CEP89: variants seen among roughly 807,000 people sequenced by gnomAD.
The protein encoded by CEP89 is centrosomal protein 89, also known as centrosomal protein of 89 kDa.
A neutral mutation model predicts 97.6 loss-of-function variants in CEP89; 95 were observed. The ratio of observed to expected loss-of-function variants is 0.97; its 90% CI spans 0.82 to 1.15. The LOEUF (loss-of-function observed/expected upper bound fraction) is 1.15. CEP89 is among the 50% of genes most tolerant of loss of function. The pLI is 0.00. For synonymous variants in CEP89, 354 were observed against 349.1 expected (o/e 1.01, Z -0.16); for missense variants, 869 against 947.7 (o/e 0.92, Z 1.09).
rs191126009 is a variant in CEP89 at position 32,967,847 on chromosome 19, G to A, written c.40-1381C>T. 1.6e-3 allele frequency among the ~76,000 whole-genome samples: 249 copies of A among 152,330 alleles called. 1 individual carries two copies. Among genetic ancestry groups the A allele is most frequent in the African/African-American group, 5.6e-3 (233 of 41,580 alleles). ...GTTTTGCTAGACTAGAGGCATCTTCGAGGGTGGGGCTTGGGGGCATGGTGG... is the reference window on the plus strand; with the variant it reads ...GTTTTGCTAGACTAGAGGCATCTTCAAGGGTGGGGCTTGGGGGCATGGTGG... On this transcript the variant is annotated intron_variant, in intron 1 of 18. Transcript: ENST00000305768.
chr19:32,966,937 C>T (rs1221455778), intron 1 of CEP89, among the ~76,000 whole-genome samples: 1 of 152,104 alleles, frequency 6.6e-6, no homozygotes, highest in Non-Finnish European at 1.5e-5. Flanking sequence ...CTCAAACTCC[C>T]GCTTCAGCCA....
chr19:32,908,815 T>G (rs1208339453), intron 14 of CEP89, among the ~76,000 whole-genome samples: 3 of 152,126 alleles, frequency 2.0e-5, no homozygotes, highest in African/African-American at 7.2e-5. Flanking sequence ...GGGAGGAGTT[T>G]GGGAAAGGGT....
At chr19:32,930,893 T>TC (rs1970459014) in intron 9 of CEP89, among the ~76,000 whole-genome samples, 2 of 152,106 alleles carry the variant, frequency 1.3e-5, no homozygotes, top group South Asian at 4.2e-4. Context: ...GTTATTTTTT[T>TC]TTTAATTTTT....
intron 15 of CEP89, among the ~76,000 whole-genome samples, chr19:32,900,888 CTTTT>C (rs34188586): frequency 2.2e-5 from 3 of 138,150 alleles, no homozygotes; most frequent in Admixed American, 7.4e-5. Context: ...CTTCATTTGT[CTTTT>C]TTTTTTTTTT....
chr19:32,891,360 C>T lies in CEP89; in HGVS notation c.1876-3519G>A, dbSNP rs555357945. Among the ~76,000 whole-genome samples the T allele has an allele frequency of 8.0e-4, 122 of 152,214 alleles. 1 individual carries two copies. Among genetic ancestry groups the T allele is most frequent in the Admixed American group, 6.9e-3 (105 of 15,302 alleles). On this transcript the variant is annotated intron_variant, in intron 16 of 18. Transcript: ENST00000305768. ...TGCCCCAGGCACACACACAAACACA[C>T]ACACACACACACATACACCAATACA...
chr19:32,956,911 ATAGAG>A (rs1471779814), intron 3 of CEP89, among the ~76,000 whole-genome samples: 1 of 152,160 alleles, frequency 6.6e-6, no homozygotes, highest in Non-Finnish European at 1.5e-5. Flanking sequence ...TTGTGTGTCT[ATAGAG>A]TATAGTCCTT....
Position 32,913,598 on chromosome 19 carries a change from G to A in CEP89, c.1565+1739C>T, listed in dbSNP as rs79698663. On this transcript the variant is annotated intron_variant, in intron 14 of 18. Coordinates refer to ENST00000305768, the MANE Select transcript of CEP89 (RefSeq NM_032816.5). ...ATCCTGGGAAACCCCTCAGTCCCAG[G>A]CAAACTGTTATGGTTGGTTACACAC... 4.3e-3 allele frequency among the ~76,000 whole-genome samples: 648 copies of A among 150,328 alleles called. 6 individuals are homozygous for A. Among genetic ancestry groups the A allele is most frequent in the African/African-American group, 0.015 (606 of 40,850 alleles).
chr19:32,879,032 C>A lies in CEP89; in HGVS notation c.*130G>T. On this transcript the variant is annotated 3_prime_UTR_variant, in exon 19 of 19. Coordinates refer to ENST00000305768, the MANE Select transcript of CEP89 (RefSeq NM_032816.5). The stretch of plus-strand genomic sequence containing the variant: ...GATTAAACTATGAGACCATTTATTT[C>A]TTCCCTGCCCTGCAGCGTTCAGTGG... The A allele has an allele frequency of 3.2e-6, 2 of 619,974 alleles. No individual in the cohort carries two copies. Among genetic ancestry groups the A allele is most frequent in the Non-Finnish European group, 5.5e-6 (2 of 362,024 alleles). 38.4% of individuals were successfully genotyped at this position (619,974 alleles called of 1,614,324 possible). A position where few individuals can be genotyped will look rare whatever the true frequency, so the allele number is the denominator to read the frequency against.
At chr19:32,954,846 G>GTTTTTTTTTTTTTTTTTTTT (rs1296606682) in intron 3 of CEP89, among the ~76,000 whole-genome samples, 1 of 130,020 alleles carries the variant, frequency 7.7e-6, no homozygotes, top group Non-Finnish European at 1.9e-5. Flanking sequence ...TCTATTTTTA[G>GTTTTTTTTTTTTTTTTTTTT]TAGAGATGGG....
intron 4 of CEP89, among the ~76,000 whole-genome samples, chr19:32,948,910 T>A (rs1485412461): frequency 6.6e-6 from 1 of 152,102 alleles, no homozygotes. Flanking sequence ...TTATTTTTTG[T>A]AGAGACAAGG....
At position 32,964,988 on chromosome 19, in the gene CEP89, C is replaced by T. The variant is rs183870510; in HGVS notation, c.146+1372G>A. ...TGACATGATCATAGCTCACCGCAGC[C>T]TTTTCCTCTTGGGCTCAAGTGATCT... On this transcript the variant is annotated intron_variant, in intron 2 of 18. Coordinates refer to ENST00000305768, the MANE Select transcript of CEP89 (RefSeq NM_032816.5). Among the ~76,000 whole-genome samples the T allele has an allele frequency of 2.9e-3, 435 of 152,310 alleles. 2 individuals carry two copies. The highest frequency in any genetic ancestry group is 0.01 in the African/African-American group (420 of 41,562).
intron 14 of CEP89, among the ~76,000 whole-genome samples, chr19:32,907,449 T>TTC (rs1969910524): frequency 1.4e-5 from 2 of 139,056 alleles, no homozygotes; most frequent in Non-Finnish European, 3.0e-5. Flanking sequence ...TGTCTGTGGT[T>TTC]TCTCTATTTT....
At chr19:32,938,067 G>A (rs1308404585) in intron 6 of CEP89, among the ~76,000 whole-genome samples, 1 of 150,502 alleles carries the variant, frequency 6.6e-6, no homozygotes, top group Non-Finnish European at 1.5e-5. Flanking sequence ...TGAGCTCCTG[G>A]GCTCAAGGGA....
intron 14 of CEP89, among the ~76,000 whole-genome samples, chr19:32,905,764 G>C (rs1969875612): frequency 6.6e-6 from 1 of 152,128 alleles, no homozygotes; most frequent in Non-Finnish European, 1.5e-5. Context: ...TGTTGCCCAG[G>C]CTAGAGTACA....
At chr19:32,937,423 C>A in intron 7 of CEP89, 1 of 545,918 alleles carries the variant, frequency 1.8e-6, no homozygotes, top group East Asian at 3.4e-5. Context: ...CCCCCCAGGT[C>A]CAACCCCCAC....
chr19:32,950,020 C>CTT (rs36042141), intron 4 of CEP89, among the ~76,000 whole-genome samples: 2 of 143,666 alleles, frequency 1.4e-5, no homozygotes, highest in East Asian at 2.0e-4. Context: ...TGGCCCCGTA[C>CTT]TTTTTTTTTT....
intron 4 of CEP89, among the ~76,000 whole-genome samples, chr19:32,951,615 C>T (rs1415049705): frequency 6.6e-6 from 1 of 150,592 alleles, no homozygotes; most frequent in African/African-American, 2.5e-5. Flanking sequence ...AGAATAAAAA[C>T]ACAAACTTCC....
At chr19:32,904,718 A>C (rs1436005296) in intron 14 of CEP89, among the ~76,000 whole-genome samples, 1 of 151,872 alleles carries the variant, frequency 6.6e-6, no homozygotes, top group East Asian at 1.9e-4. Context: ...CAGCCTCCCA[A>C]GTAGCTGGGA....
chr19:32,965,327 G>C (rs1379622743), intron 2 of CEP89, among the ~76,000 whole-genome samples: 1 of 152,088 alleles, frequency 6.6e-6, no homozygotes, highest in Admixed American at 6.5e-5. Context: ...CTTGATGCTA[G>C]GGGGTTGAGG....
Sources: allele counts gnomAD v4.1 joint callset (sites outside exome capture counted in the v4.1 genomes callset), GRCh38; gene constraint gnomAD v4.1.1; transcripts MANE v1.5; gene names NCBI Gene and HGNC (gene_info 2026-07-23, HGNC 2026-07-21).